The following CRLF2 variants were observed in gnomAD, a reference collection of about 807,000 sequenced individuals.
CRLF2 encodes cytokine receptor-like factor 2.
A neutral mutation model predicts 38.7 loss-of-function variants in CRLF2; 41 were observed. The observed-to-expected ratio is 1.06, with a 90% CI of 0.83 to 1.37. CRLF2 has a LOEUF of 1.37. CRLF2 is among the 40% of genes most tolerant of loss of function. The pLI is 0.00. For missense variants in CRLF2, 377 were observed against 322.2 expected (o/e 1.17, Z -1.30); for synonymous variants, 140 against 128.8 (o/e 1.09, Z -0.59).
At chrX:1,200,855 GTA>G (rs1439335766) in intron 4 of CRLF2, among the ~76,000 whole-genome samples, 1 of 44,038 alleles carries the variant, frequency 2.3e-5, no homozygotes, top group Non-Finnish European at 5.1e-5. Flanking sequence ...ATATGTGTGT[GTA>G]TATGTGTGTG....
chrX:1,205,128 T>C lies in CRLF2; in HGVS notation c.349+1305A>G, dbSNP rs183249260. On this transcript the variant is annotated intron_variant, in intron 3 of 7. Coordinates refer to ENST00000400841, the MANE Select transcript of CRLF2 (RefSeq NM_022148.4). ...AGGCGTGAGCCACCGCGCCCCGCCT[T>C]TAATTCATTCCCTTAAATCACAGTC... Among the ~76,000 whole-genome samples, 170 of 152,016 alleles carry C rather than the reference T, an allele frequency of 1.1e-3. 1 individual carries two copies. The highest frequency in any genetic ancestry group is 3.5e-3 in the South Asian group (17 of 4,826).
intron 3 of CRLF2, among the ~76,000 whole-genome samples, chrX:1,203,652 A>G (rs9785554): frequency 0.45 from 65,388 of 146,066 alleles, 15,852 homozygotes; most frequent in East Asian, 0.58. Context: ...GCCCAGGGAC[A>G]CCTGGAGCCC....
chrX:1,202,251 G>A, intron 4 of CRLF2, 151 bp downstream of exon 4: 2 of 875,028 alleles, frequency 2.3e-6, no homozygotes, highest in South Asian at 3.7e-5. Flanking sequence ...AAGCCAAGCT[G>A]GACTAGAGCT....
Position 1,198,727 on chromosome X carries a change from G to A in CRLF2, c.484-3C>T, listed in dbSNP as rs765072848. ...TTGCAGGTATTTTCCTGTTTGGACT[G>A]GAGAAACATACACACACACACACAC... On this transcript the variant is annotated splice_region_variant and splice_polypyrimidine_tract_variant and intron_variant, in intron 4 of 7. Coordinates refer to ENST00000400841, the MANE Select transcript of CRLF2 (RefSeq NM_022148.4). 4 of 1,240,918 alleles carry A rather than the reference G, an allele frequency of 3.2e-6. No homozygotes were observed. The South Asian group carries it at 5.0e-5, about 16-fold the overall frequency. The allele number at this position is 1,240,918 out of a possible 1,614,324, so 76.9% of individuals were successfully genotyped here. A position where few individuals can be genotyped will look rare whatever the true frequency, so the allele number is the denominator to read the frequency against.
chrX:1,195,005 C>T (rs1161774877), intron 6 of CRLF2, among the ~76,000 whole-genome samples: 2 of 151,924 alleles, frequency 1.3e-5, no homozygotes, highest in Non-Finnish European at 2.9e-5. Context: ...GTACTCCAGC[C>T]TGGGTGACAG....
rs1481166610 is a variant in CRLF2, at chrX:1,190,713, G to T, written c.*184C>A. 5 of 397,610 alleles carry T rather than the reference G, an allele frequency of 1.3e-5. No homozygotes were observed. Among genetic ancestry groups the T allele is most frequent in the African/African-American group, 2.1e-5 (1 of 48,636 alleles). The allele number at this position is 397,610 out of a possible 1,614,324, so 24.6% of individuals were successfully genotyped here. On this transcript the variant is annotated 3_prime_UTR_variant, in exon 8 of 8. Coordinates refer to ENST00000400841, the MANE Select transcript of CRLF2 (RefSeq NM_022148.4). ...AGCCTTTGAACACAGAGACTCATGTGGGGGAAAGTTAGCAGGGCAGTGGCC... is the reference window on the plus strand; with the variant it reads ...AGCCTTTGAACACAGAGACTCATGTTGGGGAAAGTTAGCAGGGCAGTGGCC...
In CRLF2 at chrX:1,192,453, A is replaced by G. The variant is rs1344618275; in HGVS notation, c.852+765T>C. On this transcript the variant is annotated intron_variant, in intron 7 of 7. Transcript: ENST00000400841. ...CATGGTGAAAAAACCCATCTGTACT[A>G]AAAATACAAAAAATTAGCCAGGTGT... 7.2e-4 allele frequency among the ~76,000 whole-genome samples: 109 copies of G among 151,294 alleles called. 1 individual carries two copies. Among genetic ancestry groups the G allele is most frequent in the Non-Finnish European group, 1.5e-4 (10 of 67,798 alleles).
intron 4 of CRLF2, among the ~76,000 whole-genome samples, chrX:1,201,511 T>C (rs1363555067): frequency 6.8e-6 from 1 of 147,068 alleles, no homozygotes; most frequent in African/African-American, 2.6e-5. Flanking sequence ...ACATAGATGA[T>C]AGAGCGATGA....
intron 7 of CRLF2, among the ~76,000 whole-genome samples, chrX:1,191,715 GA>G (rs2086384106): frequency 6.6e-6 from 1 of 151,436 alleles, no homozygotes; most frequent in Non-Finnish European, 1.5e-5. Flanking sequence ...ATTTTTAGTA[GA>G]GACGGGGTTT....
intron 3 of CRLF2, among the ~76,000 whole-genome samples, chrX:1,204,148 C>CTGTGTGTGTGTGTGTGTGTGTGTGTG (rs1457922780): frequency 6.9e-5 from 1 of 14,586 alleles, no homozygotes; most frequent in Non-Finnish European, 3.0e-4. Context: ...TTCCAGCTCA[C>CTGTGTGTGTGTGTGTGTGTGTGTGTG]TCTGTGTGTG....
intron 3 of CRLF2, among the ~76,000 whole-genome samples, chrX:1,203,234 C>T (rs1454296647): frequency 6.6e-6 from 1 of 151,288 alleles, no homozygotes; most frequent in African/African-American, 2.4e-5. Context: ...TTCTCGGAGA[C>T]AGAGGAGGAG....
Position 1,190,846 on chromosome X carries a change from C to T in CRLF2, c.*51G>A. 2.5e-6 allele frequency: 1 copy of T among 398,662 alleles called. No individual in the cohort carries two copies. The highest frequency in any genetic ancestry group is 4.4e-6 in the Non-Finnish European group (1 of 226,076). The allele number at this position is 398,662 out of a possible 1,614,324, so 24.7% of individuals were successfully genotyped here. On this transcript the variant is annotated 3_prime_UTR_variant, in exon 8 of 8. Transcript: ENST00000400841. ...GAGTCCCCGGGACAGTCCCCTCTGT[C>T]TTTAAATGTCAACGTGGATCCTGAC...
At chrX:1,191,348 T>TTCTTTCTTTCTTTC (rs1413878313) in intron 7 of CRLF2, among the ~76,000 whole-genome samples, 188 bp from the exon 8 acceptor site, 5 of 122,740 alleles carry the variant, frequency 4.1e-5, no homozygotes, top group South Asian at 3.2e-4. Flanking sequence ...TTTCTTTCCT[T>TTCTTTCTTTCTTTC]CTTTCTTTCT....
intron 5 of CRLF2, 22 bp from the exon 6 acceptor site, chrX:1,196,922 G>A (rs1386834465): frequency 6.2e-7 from 1 of 1,610,054 alleles, no homozygotes; most frequent in Non-Finnish European, 8.5e-7. Flanking sequence ...TGAAAAGGCG[G>A]CTGTCAGTTT....
At chrX:1,196,754 C>T in intron 6 of CRLF2, 26 bp downstream of exon 6, 1 of 1,611,086 alleles carries the variant, frequency 6.2e-7, no homozygotes, top group Non-Finnish European at 8.5e-7. Flanking sequence ...GTCCCTCCAC[C>T]CACGGGCGGC....
At chrX:1,207,934 A>G (rs1284143803) in intron 2 of CRLF2, among the ~76,000 whole-genome samples, 1 of 152,156 alleles carries the variant, frequency 6.6e-6, no homozygotes, top group Non-Finnish European at 1.5e-5. Context: ...TTTTCCAAAT[A>G]ACTTCGTTTT....
At chrX:1,191,293 TTCTC>T (rs1299991576) in intron 7 of CRLF2, 133 bp from the exon 8 acceptor site, 1 of 290,492 alleles carries the variant, frequency 3.4e-6, no homozygotes, top group African/African-American at 3.3e-5. Flanking sequence ...TTCTTTTCTT[TTCTC>T]TTTCTTTCTT....
rs758149786 is a variant in CRLF2, at chrX:1,203,860, A to T, written c.350-1325T>A. On this transcript the variant is annotated intron_variant, in intron 3 of 7. Coordinates refer to ENST00000400841, the MANE Select transcript of CRLF2 (RefSeq NM_022148.4). ...TATCTGTAAGTAATTTCGCGAATAA[A>T]GAGTTCATAGTTCTCACCGGATTCT... 2.0e-5 allele frequency among the ~76,000 whole-genome samples: 3 copies of T among 152,286 alleles called. No homozygotes were observed. In the South Asian group the frequency reaches 6.2e-4, roughly 32 times the overall value.
At chrX:1,197,517 T>C (rs2086505915) in intron 5 of CRLF2, among the ~76,000 whole-genome samples, 1 of 151,930 alleles carries the variant, frequency 6.6e-6, no homozygotes, top group Non-Finnish European at 1.5e-5. Context: ...TCATGCCCCC[T>C]GAAAACATAC....
Sources: allele counts gnomAD v4.1 joint callset (sites outside exome capture counted in the v4.1 genomes callset), GRCh38; gene constraint gnomAD v4.1.1; transcripts MANE v1.5; gene names NCBI Gene and HGNC (gene_info 2026-07-23, HGNC 2026-07-21).